SUN5: variants seen among roughly 807,000 people sequenced by gnomAD.
SUN5 encodes the protein SUN domain-containing protein 5.
In SUN5, 44 loss-of-function variants were observed where a neutral mutation model predicts 53.7. The ratio of observed to expected loss-of-function variants is 0.82; its 90% confidence interval spans 0.64 to 1.05. The LOEUF is 1.05. SUN5 is among the 50% of genes least tolerant of loss of function. The pLI is 0.00. For synonymous variants in SUN5, 166 were observed against 179.8 expected, an observed-to-expected ratio of 0.92 and a Z score of 0.62; for missense variants, 433 against 483.8, an observed-to-expected ratio of 0.90 and a Z score of 0.98.
At chr20:33,001,550 C>CTTTCTTTCTTTCTT (rs1990023828) in intron 3 of SUN5, among the ~76,000 whole-genome samples, 1 of 139,052 alleles carries the variant, frequency 7.2e-6, no homozygotes, top group Non-Finnish European at 1.5e-5. Flanking sequence ...TTCTTTCTTT[C>CTTTCTTTCTTTCTT]TTTCTTTCTT....
intron 8 of SUN5, among the ~76,000 whole-genome samples, chr20:32,994,987 CAG>C (rs1989805226): frequency 6.6e-6 from 1 of 151,874 alleles, no homozygotes; most frequent in Admixed American, 6.6e-5. Flanking sequence ...AAGCACATAA[CAG>C]AAAAAGAATG....
chr20:32,989,786 C>T, intron 8 of SUN5, 88 bp from the exon 9 acceptor site: 2 of 1,116,120 alleles, frequency 1.8e-6, no homozygotes, highest in South Asian at 2.6e-5. Flanking sequence ...CAGGGGGCTG[C>T]AGGACGCTGT....
intron 8 of SUN5, among the ~76,000 whole-genome samples, chr20:32,994,198 G>A (rs982705136): frequency 6.6e-6 from 1 of 152,186 alleles, no homozygotes; most frequent in Non-Finnish European, 1.5e-5. Context: ...TGTGATCCAG[G>A]TCTGTCTGAA....
At chr20:33,000,679 T>C (rs1413262124) in intron 4 of SUN5, among the ~76,000 whole-genome samples, 1 of 151,898 alleles carries the variant, frequency 6.6e-6, no homozygotes, top group Non-Finnish European at 1.5e-5. Flanking sequence ...ACTCTGTCTC[T>C]ACAAAAAATA....
At chr20:32,986,360 A>C (rs1174857277) in intron 10 of SUN5, among the ~76,000 whole-genome samples, 1 of 152,124 alleles carries the variant, frequency 6.6e-6, no homozygotes, top group Non-Finnish European at 1.5e-5. Context: ...AGGGAATCTG[A>C]CCTTGGAACT....
Position 32,983,946 on chromosome 20 carries a change from G to C in SUN5, c.988C>G (p.Gln330Glu). 1 of 1,573,294 alleles carries C rather than the reference G, an allele frequency of 6.4e-7. No individual in the cohort carries two copies. ...NIIQMFPLQN[Q>E]PARAFSAVKV... ...ACCGCACTGAAAGCCCGGGCCGGCT[G>C]GTTCTGGAAGAGAATCAGTCACAGA... Residue 330 changes from glutamine (Q) to glutamate (E), a missense_variant, in exon 13 of 13, where the codon CAG (glutamine) becomes GAG (glutamate). By Grantham distance (29) the Gln-to-Glu change is conservative. Coordinates refer to ENST00000356173, the MANE Select transcript of SUN5 (RefSeq NM_080675.4).
Position 33,000,026 on chromosome 20 carries a change from G to A in SUN5, c.340+48C>T, listed in dbSNP as rs1157802988. 5 of 1,588,088 alleles carry A rather than the reference G, an allele frequency of 3.1e-6. No individual in the cohort carries two copies. In the African/African-American group the frequency reaches 6.7e-5, roughly 21 times the overall value. On this transcript the variant is annotated intron_variant, in intron 5 of 12. Transcript: ENST00000356173. Reference sequence around the variant, plus strand: ...CCCAGTGTCCTATAATCAGTGCCAGGGCCCAGGGATACCTCCACCTGGGAC... The same window carrying A: ...CCCAGTGTCCTATAATCAGTGCCAGAGCCCAGGGATACCTCCACCTGGGAC...
chr20:33,004,384 G>T lies in SUN5; in HGVS notation c.-44C>A, dbSNP rs201423370. ...TTGGGGATGGAGATGGGAACTCTGG[G>T]AGCTGGTGAGGAGGAAGGGGCTGAT... On this transcript the variant is annotated 5_prime_UTR_variant, in exon 1 of 13. Coordinates refer to ENST00000356173, the MANE Select transcript of SUN5 (RefSeq NM_080675.4). The T allele has an allele frequency of 3.7e-5, 57 of 1,521,074 alleles. No individual in the cohort carries two copies. In the African/African-American group the frequency reaches 6.3e-4, roughly 17 times the overall value. The allele number at this position is 1,521,074 out of a possible 1,614,324, so 94.2% of individuals were successfully genotyped here.
chr20:32,986,978 T>G (rs1409606611), intron 10 of SUN5, among the ~76,000 whole-genome samples: 1 of 152,114 alleles, frequency 6.6e-6, no homozygotes, highest in East Asian at 1.9e-4. Context: ...TGACCTCGAG[T>G]GCCAAGATCT....
chr20:32,998,175 C>CAAA (rs35729664), intron 5 of SUN5, among the ~76,000 whole-genome samples: 1,608 of 58,188 alleles, frequency 0.028, 81 homozygotes, highest in Non-Finnish European at 0.038. Context: ...CCCATCTCTA[C>CAAA]AAAAAAAAAA....
chr20:33,000,904 A>C (rs1989986735), intron 4 of SUN5, among the ~76,000 whole-genome samples: 1 of 151,444 alleles, frequency 6.6e-6, no homozygotes, highest in Non-Finnish European at 1.5e-5. Flanking sequence ...GAATAGGAAT[A>C]GGAATGGTGT....
chr20:32,984,937 G>T (rs1357125189), intron 12 of SUN5, among the ~76,000 whole-genome samples, 162 bp downstream of exon 12: 1 of 152,224 alleles, frequency 6.6e-6, no homozygotes, highest in Non-Finnish European at 1.5e-5. Context: ...GCCCTGGGTA[G>T]CGGCTCCTAC....
Position 33,004,387 on chromosome 20 carries a change from C to A in SUN5, c.-47G>T, listed in dbSNP as rs376648648. The stretch of plus-strand genomic sequence containing the variant: ...GGGATGGAGATGGGAACTCTGGGAG[C>A]TGGTGAGGAGGAAGGGGCTGATGCC... On this transcript the variant is annotated 5_prime_UTR_variant, in exon 1 of 13. Transcript: ENST00000356173. 1.5e-5 allele frequency: 23 copies of A among 1,517,680 alleles called. No homozygotes were observed. In the African/African-American group the frequency reaches 2.9e-4, roughly 19 times the overall value. 94.0% of individuals were successfully genotyped at this position (1,517,680 alleles called of 1,614,324 possible). A position where few individuals can be genotyped will look rare whatever the true frequency, so the allele number is the denominator to read the frequency against.
At position 32,985,396 on chromosome 20, in the gene SUN5, T is replaced by A. The variant is rs184922829; in HGVS notation, c.898-211A>T. On this transcript the variant is annotated intron_variant, in intron 11 of 12. Transcript: ENST00000356173. Reference sequence around the variant, plus strand: ...GTCTATGACTAGCTCTGCCATTGACTTGTAGGATTAGGGTGTTTCCCTGAT... The same window carrying A: ...GTCTATGACTAGCTCTGCCATTGACATGTAGGATTAGGGTGTTTCCCTGAT... 1.2e-4 allele frequency among the ~76,000 whole-genome samples: 18 copies of A among 152,260 alleles called. No individual in the cohort carries two copies. In the East Asian group the frequency reaches 2.7e-3, roughly 23 times the overall value.
chr20:32,999,706 C>A, intron 5 of SUN5: 1 of 538,794 alleles, frequency 1.9e-6, no homozygotes. Flanking sequence ...CTCCCTACCC[C>A]ACCCCCAGCC....
In SUN5 at chr20:32,985,025, G is replaced by A. The variant is rs985797726; in HGVS notation, c.984+74C>T. ...CCTCCTGGGGATACTGGGGGATGAA[G>A]AGGGGGTCCCTGGGTACAGACTGCA... is the stretch of plus-strand genomic sequence containing the variant. On this transcript the variant is annotated intron_variant, in intron 12 of 12. Coordinates refer to ENST00000356173, the MANE Select transcript of SUN5 (RefSeq NM_080675.4). 5.4e-6 allele frequency: 8 copies of A among 1,490,642 alleles called. No homozygotes were observed. The African/African-American group carries it at 9.7e-5, about 18-fold the overall frequency. 92.3% of individuals were successfully genotyped at this position (1,490,642 alleles called of 1,614,324 possible).
intron 6 of SUN5, among the ~76,000 whole-genome samples, 173 bp from the exon 7 acceptor site, chr20:32,996,531 C>T (rs375810968): frequency 6.6e-6 from 1 of 152,166 alleles, no homozygotes; most frequent in African/African-American, 2.4e-5. Flanking sequence ...AATTTACTGC[C>T]CTTTTTATTC....
chr20:33,001,043 G>T (rs959792947), intron 4 of SUN5, among the ~76,000 whole-genome samples, 169 bp downstream of exon 4: 9 of 152,038 alleles, frequency 5.9e-5, no homozygotes, highest in African/African-American at 2.2e-4. Flanking sequence ...CTGGAGCAAT[G>T]GGGGGCCACA....
At chr20:33,003,190 C>A (rs775307078) in intron 1 of SUN5, among the ~76,000 whole-genome samples, 4 of 152,172 alleles carry the variant, frequency 2.6e-5, no homozygotes, top group Admixed American at 1.3e-4. Flanking sequence ...TTTGTCTGCT[C>A]CTACCCAATG....
Sources: gnomAD v4.1 joint callset for allele counts (sites outside exome capture counted in the v4.1 genomes callset) on GRCh38, gnomAD v4.1.1 for gene constraint, MANE v1.5 for transcripts, NCBI Gene and HGNC (gene_info 2026-07-23, HGNC 2026-07-21) for gene names.